Variants in ATR observed in about 807,000 individuals in gnomAD.
ATR encodes the protein ATR checkpoint kinase, also known as serine/threonine-protein kinase ATR.
Under a neutral mutation model 305.3 loss-of-function variants are expected in ATR, and 142 were observed. That is an observed-to-expected ratio of 0.47 (90% CI 0.41 to 0.53). ATR has a LOEUF of 0.53. Among genes scored for constraint, ATR ranks in the 20% least tolerant of loss-of-function variants. The pLI, the probability that ATR is intolerant of heterozygous loss-of-function variation, is 0.00. For synonymous variants in ATR, 1,050 were observed against 1,068.1 expected, an observed-to-expected ratio of 0.98 and a Z score of 0.33; for missense variants, 2,135 against 3,133.1, an observed-to-expected ratio of 0.68 and a Z score of 7.60.
intron 35 of ATR, among the ~76,000 whole-genome samples, chr3:142,487,549 A>C (rs2031020133): frequency 6.6e-6 from 1 of 152,220 alleles, no homozygotes; most frequent in African/African-American, 2.4e-5. Flanking sequence ...CATTATAAGA[A>C]TATGCTACAA....
intron 35 of ATR, among the ~76,000 whole-genome samples, chr3:142,489,259 A>G (rs1337154486): frequency 2.0e-5 from 3 of 152,118 alleles, no homozygotes; most frequent in African/African-American, 7.2e-5. Context: ...ACTTGAGCCC[A>G]GGAGGTTGAG....
At chr3:142,453,896 A>G (rs1442687416) in intron 45 of ATR, among the ~76,000 whole-genome samples, 1 of 152,140 alleles carries the variant, frequency 6.6e-6, no homozygotes, top group Non-Finnish European at 1.5e-5. Flanking sequence ...GTACACCATC[A>G]TCCTTTCCTG....
In ATR at chr3:142,497,573, T is replaced by TAATAAATAAATAAATA. The variant is rs35792072; in HGVS notation, c.5559-397_5559-382dup. Among the ~76,000 whole-genome samples the TAATAAATAAATAAATA allele has an allele frequency of 8.2e-3, 1,217 of 149,022 alleles. 16 individuals carry two copies. The highest frequency in any genetic ancestry group is 0.028 in the African/African-American group (1,158 of 40,766). ...CATAGCAAGACCCCGTCCCTTAAAA[T>TAATAAATAAATAAATA]AATAAATAAATAAATAAATAAATAA... On this transcript the variant is annotated intron_variant, in intron 32 of 46. Transcript: ENST00000350721.
At chr3:142,449,866 C>A in intron 46 of ATR, 1 of 482,936 alleles carries the variant, frequency 2.1e-6, no homozygotes, top group Non-Finnish European at 3.7e-6. Context: ...TTACACATTA[C>A]AATTCTAGAA....
chr3:142,542,172 A>C (rs2034076623), intron 17 of ATR, among the ~76,000 whole-genome samples: 1 of 152,104 alleles, frequency 6.6e-6, no homozygotes, highest in Admixed American at 6.6e-5. Context: ...GCCATGACCC[A>C]CACCAGACCA....
intron 3 of ATR, 122 bp from the exon 4 acceptor site, chr3:142,563,231 C>A: frequency 9.9e-7 from 1 of 1,010,918 alleles, no homozygotes; most frequent in East Asian, 2.6e-5. Flanking sequence ...GTAAAACATT[C>A]TCTTCACAAT....
chr3:142,576,070 C>T (rs1000452650), intron 1 of ATR, among the ~76,000 whole-genome samples: 1 of 152,164 alleles, frequency 6.6e-6, no homozygotes, highest in African/African-American at 2.4e-5. Flanking sequence ...ACTAAGGTTA[C>T]TGTAATAGTT....
rs1295426296 is a variant in ATR at position 142,450,862 on chromosome 3, G to A, written c.7762-1260C>T. ...GTTGCCATTTCTGGAAGTGTTCTCC[G>A]ACCAAGCAGACAGATACCAATACGG... On this transcript the variant is annotated intron_variant, in intron 46 of 46. Transcript: ENST00000350721. 7.5e-6 allele frequency: 10 copies of A among 1,331,626 alleles called. No individual in the cohort carries two copies. In the East Asian group the frequency reaches 9.9e-5, roughly 13 times the overall value. The allele number at this position is 1,331,626 out of a possible 1,614,324, so 82.5% of individuals were successfully genotyped here.
chr3:142,458,432 G>A (rs1439704554), intron 44 of ATR, among the ~76,000 whole-genome samples: 1 of 152,122 alleles, frequency 6.6e-6, no homozygotes, highest in Non-Finnish European at 1.5e-5. Flanking sequence ...AGAAAATAGT[G>A]CGCTAACCTA....
chr3:142,457,600 T>C lies in ATR; in HGVS notation c.7655+4A>G, dbSNP rs2070934411. The C allele has an allele frequency of 6.2e-7, 1 of 1,613,816 alleles. No homozygotes were observed. The highest frequency in any genetic ancestry group is 1.7e-5 in the Admixed American group (1 of 60,002). Reference sequence around the variant, plus strand: ...TAAATTATTTACAAAGTATAGGTGATTACCTCATTAAAGGCTCTCGCTGAT... The same window carrying C: ...TAAATTATTTACAAAGTATAGGTGACTACCTCATTAAAGGCTCTCGCTGAT... On this transcript the variant is annotated splice_donor_region_variant and intron_variant, in intron 45 of 46. Coordinates refer to ENST00000350721, the MANE Select transcript of ATR (RefSeq NM_001184.4).
chr3:142,549,690 C>T lies in ATR; in HGVS notation c.2977-17G>A. The T allele has an allele frequency of 1.9e-6, 3 of 1,609,930 alleles. No individual in the cohort carries two copies. Among genetic ancestry groups the T allele is most frequent in the Non-Finnish European group, 2.5e-6 (3 of 1,177,496 alleles). ...TAATGTCCTCTGAAAAAGAATGCAA[C>T]AATTACCAAAAAGTACATTTGTCTG... On this transcript the variant is annotated splice_polypyrimidine_tract_variant and intron_variant, in intron 14 of 46. Coordinates refer to ENST00000350721, the MANE Select transcript of ATR (RefSeq NM_001184.4).
At chr3:142,463,723 A>C (rs1443575243) in intron 41 of ATR, among the ~76,000 whole-genome samples, 1 of 152,202 alleles carries the variant, frequency 6.6e-6, no homozygotes, top group Non-Finnish European at 1.5e-5. Context: ...CCTCCTTTTC[A>C]TATTGCTTTT....
Position 142,459,360 on chromosome 3 carries a change from G to A in ATR, c.7216C>T (p.Leu2406Phe), listed in dbSNP as rs2108261986. 6.2e-7 allele frequency: 1 copy of A among 1,613,826 alleles called. No homozygotes were observed. Among genetic ancestry groups the A allele is most frequent in the African/African-American group, 1.3e-5 (1 of 75,006 alleles). ...GACTTTGGTAGCATACACTGGCGAA[G>A]TTCTTTTCCTGTCATATACACTCCT... Reference protein sequence around the residue: ...EKGVYMTGKELRQCMLPKSAA... With the variant: ...EKGVYMTGKEFRQCMLPKSAA... Residue 2406 changes from leucine to phenylalanine, a missense_variant, in exon 43 of 47, where the codon CTT (leucine) becomes TTT (phenylalanine). Coordinates refer to ENST00000350721, the MANE Select transcript of ATR (RefSeq NM_001184.4).
intron 30 of ATR, 61 bp from the exon 31 acceptor site, chr3:142,499,779 T>C (rs755704937): frequency 1.5e-6 from 2 of 1,372,740 alleles, no homozygotes; most frequent in Non-Finnish European, 2.1e-6. Context: ...TTCAGAGATT[T>C]TTCATTGGTT....
intron 36 of ATR, among the ~76,000 whole-genome samples, chr3:142,477,025 T>C (rs1367261484): frequency 6.6e-5 from 10 of 152,188 alleles, no homozygotes; most frequent in Admixed American, 6.5e-4. Flanking sequence ...AGATATACAA[T>C]CATGTCGTCT....
chr3:142,517,801 G>A (rs1403368536), intron 24 of ATR, among the ~76,000 whole-genome samples: 2 of 152,100 alleles, frequency 1.3e-5, no homozygotes, highest in Non-Finnish European at 2.9e-5. Context: ...GTATATGATA[G>A]CCAACCTCAC....
In ATR at chr3:142,524,074, A is replaced by G. The variant is rs1324292052; in HGVS notation, c.4071T>C (p.Cys1357=). The change falls in exon 22 of 47, where the codon TGT becomes TGC. Residue 1357 remains cysteine (C), a synonymous_variant. Coordinates refer to ENST00000350721, the MANE Select transcript of ATR (RefSeq NM_001184.4). Reference sequence around the variant, plus strand: ...GATCTATCGCCCCCAATTCCCCTAAACATTCCCCACAGAGCAACCGAGCTT... The same window carrying G: ...GATCTATCGCCCCCAATTCCCCTAAGCATTCCCCACAGAGCAACCGAGCTT... ...NSQARLLCGE[C]LGELGAIDPG... 1.9e-6 allele frequency: 3 copies of G among 1,614,070 alleles called. No individual in the cohort carries two copies. The South Asian group carries it at 3.3e-5, about 18-fold the overall frequency.
intron 21 of ATR, among the ~76,000 whole-genome samples, chr3:142,527,328 C>CCCCTTCCCTTAT (rs1222232124): frequency 6.6e-6 from 1 of 151,712 alleles, no homozygotes; most frequent in African/African-American, 2.4e-5. Context: ...ATTTAAAAAT[C>CCCCTTCCCTTAT]CCCTTATCTG....
At chr3:142,537,700 C>G (rs893326873) in intron 19 of ATR, among the ~76,000 whole-genome samples, 1 of 151,996 alleles carries the variant, frequency 6.6e-6, no homozygotes, top group Non-Finnish European at 1.5e-5. Flanking sequence ...CCCAACTTTT[C>G]ACAAGCAAAG....
Sources: allele counts gnomAD v4.1 joint callset (sites outside exome capture counted in the v4.1 genomes callset), GRCh38; gene constraint gnomAD v4.1.1; transcripts MANE v1.5; gene names NCBI Gene and HGNC (gene_info 2026-07-23, HGNC 2026-07-21).